MAP3K15: variants seen among roughly 807,000 people sequenced by gnomAD.
The protein encoded by MAP3K15 is MAPK/ERK kinase kinase 15.
MAP3K15 carries 124 observed loss-of-function variants against 99.5 expected under a neutral mutation model. The ratio of observed to expected loss-of-function variants is 1.25; its 90% confidence interval spans 1.08 to 1.45. The LOEUF (loss-of-function observed/expected upper bound fraction) is 1.45. MAP3K15 is among the 40% of genes most tolerant of loss of function. The pLI is 0.00. For synonymous variants in MAP3K15, 494 were observed against 439.6 expected, an observed-to-expected ratio of 1.12 and a Z score of -1.55; for missense variants, 1,242 against 1,079.7, an observed-to-expected ratio of 1.15 and a Z score of -2.11.
At chrX:19,509,653 A>C (rs1335232014) in intron 1 of MAP3K15, among the ~76,000 whole-genome samples, 1 of 111,870 alleles carries the variant, frequency 8.9e-6, no homozygotes, top group Non-Finnish European at 1.9e-5. Flanking sequence ...AAAGATCTAA[A>C]ATCGACACCC....
At chrX:19,486,390 C>G in intron 3 of MAP3K15, 92 bp downstream of exon 3, 1 of 382,511 alleles carries the variant, frequency 2.6e-6, no homozygotes, top group Non-Finnish European at 4.3e-6. Context: ...TAGAAGTCAT[C>G]TTGCTACCTG....
chrX:19,491,929 G>A (rs1300028624), intron 1 of MAP3K15, among the ~76,000 whole-genome samples: 5 of 107,855 alleles, frequency 4.6e-5, no homozygotes, highest in East Asian at 2.9e-4. Context: ...CAAGCGATCC[G>A]CCCACCTCAG....
At chrX:19,504,129 A>AG (rs1237855056) in intron 1 of MAP3K15, among the ~76,000 whole-genome samples, 1 of 21,426 alleles carries the variant, frequency 4.7e-5, no homozygotes, top group African/African-American at 2.0e-4. Flanking sequence ...AGGGGAGGTG[A>AG]GGGGAGGGGA....
chrX:19,369,359 T>A, intron 24 of MAP3K15, 140 bp from the exon 25 acceptor site: 1 of 619,074 alleles, frequency 1.6e-6, no homozygotes, highest in Non-Finnish European at 2.5e-6. Context: ...CTGCTGACTT[T>A]ACAAATGGAG....
At chrX:19,486,699 T>A (rs1275205504) in intron 2 of MAP3K15, among the ~76,000 whole-genome samples, 194 bp from the exon 3 acceptor site, 1 of 111,343 alleles carries the variant, frequency 9.0e-6, no homozygotes, top group East Asian at 2.8e-4. Flanking sequence ...AACCTCTGAA[T>A]TGCAACATTG....
In MAP3K15 at chrX:19,472,719, A is replaced by G. The variant is rs184056286; in HGVS notation, c.526-8313T>C. Among the ~76,000 whole-genome samples the G allele has an allele frequency of 9.8e-4, 110 of 112,438 alleles. 1 individual carries two copies. The highest frequency in any genetic ancestry group is 1.3e-3 in the Non-Finnish European group (71 of 53,344). On this transcript the variant is annotated intron_variant, in intron 3 of 28. Coordinates refer to ENST00000338883, the MANE Select transcript of MAP3K15 (RefSeq NM_001001671.4). ...CAATTAAATAACCCTGAGCTTCTGT[A>G]ACAGGTAGGTAAATTGAAGATACAA...
intron 4 of MAP3K15, among the ~76,000 whole-genome samples, chrX:19,461,537 C>T (rs776737463): frequency 8.9e-6 from 1 of 112,798 alleles, no homozygotes; most frequent in Non-Finnish European, 1.9e-5. Flanking sequence ...ATGCTATTAT[C>T]TGGTATTTGG....
At position 19,515,008 on chromosome X, in the gene MAP3K15, T is replaced by TGCCGCGCCCCAGCCTCCGGGCCGCCG. The variant is rs2064552162; in HGVS notation, c.228_253dup (p.Gln85ProfsTer50). On this transcript the variant is annotated frameshift_variant, in exon 1 of 29. Transcript: ENST00000338883. LOFTEE classifies it high-confidence loss of function. Reference sequence around the variant, plus strand: ...GGCCTCGCAGGCCCGCAGCAGGCACTGCCGCGCCCCAGCCTCCGGGCCGCC... The same window carrying TGCCGCGCCCCAGCCTCCGGGCCGCCG: ...GGCCTCGCAGGCCCGCAGCAGGCACTGCCGCGCCCCAGCCTCCGGGCCGCCGGCCGCGCCCCAGCCTCCGGGCCGCC... 2.7e-6 allele frequency: 3 copies of TGCCGCGCCCCAGCCTCCGGGCCGCCG among 1,093,213 alleles called. No individual in the cohort carries two copies. The South Asian group carries it at 6.3e-5, about 23-fold the overall frequency. 90.1% of individuals were successfully genotyped at this position (1,093,213 alleles called of 1,213,427 possible). A position where few individuals can be genotyped will look rare whatever the true frequency, so the allele number is the denominator to read the frequency against.
chrX:19,384,560 C>T (rs1035246031), intron 18 of MAP3K15, among the ~76,000 whole-genome samples: 2 of 107,293 alleles, frequency 1.9e-5, no homozygotes, highest in African/African-American at 6.8e-5. Flanking sequence ...GGCAACACAG[C>T]GAAACCCCAT....
At chrX:19,422,591 T>TA (rs2063796460) in intron 9 of MAP3K15, among the ~76,000 whole-genome samples, 1 of 111,923 alleles carries the variant, frequency 8.9e-6, no homozygotes, top group Non-Finnish European at 1.9e-5. Context: ...GACTGTAAAC[T>TA]AATTCAACCA....
chrX:19,437,548 G>C (rs183521336), intron 6 of MAP3K15, among the ~76,000 whole-genome samples: 2 of 111,723 alleles, frequency 1.8e-5, no homozygotes, highest in East Asian at 5.6e-4. Flanking sequence ...GCCTCTTTCT[G>C]ATCTTTGCTC....
chrX:19,377,797 C>A (rs775597566), intron 19 of MAP3K15, among the ~76,000 whole-genome samples: 2 of 112,178 alleles, frequency 1.8e-5, no homozygotes, highest in African/African-American at 3.2e-5. Context: ...ACGGCCCCAA[C>A]AGGGTCCACC....
At chrX:19,507,993 G>A (rs1306914217) in intron 1 of MAP3K15, among the ~76,000 whole-genome samples, 4 of 111,129 alleles carry the variant, frequency 3.6e-5, no homozygotes, top group Non-Finnish European at 1.9e-5. Flanking sequence ...TCAGCCTCCC[G>A]AGTAGCTGAG....
intron 1 of MAP3K15, among the ~76,000 whole-genome samples, chrX:19,507,641 A>G (rs1330724521): frequency 9.6e-6 from 1 of 104,341 alleles, no homozygotes; most frequent in African/African-American, 3.5e-5. Flanking sequence ...ACCCTAATGT[A>G]AACTAAAGAT....
intron 3 of MAP3K15, among the ~76,000 whole-genome samples, chrX:19,480,951 C>CA (rs1273753691): frequency 1.9e-5 from 2 of 107,717 alleles, no homozygotes; most frequent in Non-Finnish European, 3.8e-5. Flanking sequence ...CCCATCTCTA[C>CA]AAAAAATAAA....
chrX:19,371,225 G>A, intron 23 of MAP3K15, 120 bp downstream of exon 23: 2 of 859,752 alleles, frequency 2.3e-6, no homozygotes. Flanking sequence ...TTGTTTAGGA[G>A]GAGCTGCTGA....
chrX:19,370,980 C>T lies in MAP3K15; in HGVS notation c.3379G>A (p.Ala1127Thr), dbSNP rs373928304. The change falls in exon 24 of 29, where the codon GCG (alanine) becomes ACG (threonine). Residue 1127 changes from alanine to threonine, a missense_variant. Physicochemically the swap from Ala to Thr is moderately conservative, Grantham distance 58. Coordinates refer to ENST00000338883, the MANE Select transcript of MAP3K15 (RefSeq NM_001001671.4). ...DNIIRRAVQAAVTILIPELRA... is the reference protein window; with the variant it reads ...DNIIRRAVQATVTILIPELRA... ...TCACCTGGGATGAGAATGGTGACCG[C>T]GGCCTGCACCGCTCGGCGGATGATG... The T allele has an allele frequency of 6.7e-5, 79 of 1,178,227 alleles. No individual in the cohort carries two copies. Among genetic ancestry groups the T allele is most frequent in the Non-Finnish European group, 8.4e-5 (74 of 883,610 alleles).
rs776105254 is a variant in MAP3K15 at position 19,425,495 on chromosome X, T to C, written c.1439+36A>G. On this transcript the variant is annotated intron_variant, in intron 9 of 28. Transcript: ENST00000338883. ...GACATTTCAGAACAAGATCATGTAT[T>C]GAGATGGGTGATGACAACACACAGA... The C allele has an allele frequency of 6.1e-6, 7 of 1,144,000 alleles. No individual in the cohort carries two copies. The South Asian group carries it at 1.4e-4, about 23-fold the overall frequency. The allele number at this position is 1,144,000 out of a possible 1,213,427, so 94.3% of individuals were successfully genotyped here.
chrX:19,435,321 G>C (rs1286981327), intron 6 of MAP3K15, among the ~76,000 whole-genome samples: 1 of 108,993 alleles, frequency 9.2e-6, no homozygotes, highest in Non-Finnish European at 1.9e-5. Flanking sequence ...AACCTCCCAG[G>C]CTCAAGCGAT....
Sources: allele counts gnomAD v4.1 joint callset (sites outside exome capture counted in the v4.1 genomes callset), GRCh38; gene constraint gnomAD v4.1.1; transcripts MANE v1.5; gene names NCBI Gene and HGNC (gene_info 2026-07-23, HGNC 2026-07-21).